Variants in ZNF565 observed in about 807,000 individuals in gnomAD.
ZNF565 encodes zinc finger protein 565.
ZNF565 carries 27 observed loss-of-function variants against 39.4 expected under a neutral mutation model. The ratio of observed to expected loss-of-function variants is 0.69; its 90% confidence interval spans 0.51 to 0.95. ZNF565 has a LOEUF of 0.95. ZNF565 is among the 40% of genes least tolerant of loss of function. The pLI, the probability that ZNF565 is intolerant of heterozygous loss-of-function variation, is 0.00. For missense variants in ZNF565, 524 were observed against 621.1 expected, an observed-to-expected ratio of 0.84 and a Z score of 1.66; for synonymous variants, 185 against 216.6, an observed-to-expected ratio of 0.85 and a Z score of 1.28.
chr19:36,186,451 A>C (rs1465738510), intron 4 of ZNF565, among the ~76,000 whole-genome samples: 4 of 152,164 alleles, frequency 2.6e-5, no homozygotes, highest in African/African-American at 7.2e-5. Flanking sequence ...CTTGTTCCTG[A>C]ATCTTCCCCA....
intron 1 of ZNF565, chr19:36,236,848 C>A: frequency 1.2e-6 from 2 of 1,614,068 alleles, no homozygotes; most frequent in Non-Finnish European, 1.7e-6. Context: ...GTGGAAAAAC[C>A]TTCAGTGGCA....
chr19:36,243,314 G>A (rs780611702), intron 1 of ZNF565, among the ~76,000 whole-genome samples: 2 of 152,200 alleles, frequency 1.3e-5, no homozygotes, highest in Non-Finnish European at 2.9e-5. Context: ...GATTACAAGC[G>A]TGAGCCACTG....
intron 2 of ZNF565, among the ~76,000 whole-genome samples, chr19:36,196,456 G>A (rs916712715): frequency 1.3e-5 from 2 of 152,136 alleles, no homozygotes; most frequent in Admixed American, 1.3e-4. Flanking sequence ...GCAGGCCTGT[G>A]GCATGAAGGA....
In ZNF565 at chr19:36,182,705, A is replaced by G; in HGVS notation, c.1261T>C (p.Cys421Arg). ...ATAAAGGCCTTCCCACATTCCTTAC[A>G]TTCGTAGGGTTTGTCACCTGTATGA... ...RIHTGDKPYE[C>R]KECGKAFIRV... Residue 421 changes from cysteine to arginine, a missense_variant, in exon 5 of 5, where the codon TGT becomes CGT. Transcript: ENST00000304116. The G allele has an allele frequency of 6.2e-7, 1 of 1,614,196 alleles. No individual in the cohort carries two copies. Among genetic ancestry groups the G allele is most frequent in the Non-Finnish European group, 8.5e-7 (1 of 1,180,028 alleles).
intron 1 of ZNF565, among the ~76,000 whole-genome samples, chr19:36,243,475 G>A (rs1226104748): frequency 6.6e-6 from 1 of 152,150 alleles, no homozygotes; most frequent in African/African-American, 2.4e-5. Flanking sequence ...TGAAGATTCA[G>A]AAATACAAGT....
intron 1 of ZNF565, chr19:36,237,576 G>T: frequency 3.2e-6 from 1 of 314,558 alleles, no homozygotes; most frequent in Non-Finnish European, 6.1e-6. Flanking sequence ...AGTGGGAACA[G>T]AAAATGGAGG....
At chr19:36,236,501 T>C in intron 1 of ZNF565, 1 of 1,613,850 alleles carries the variant, frequency 6.2e-7, no homozygotes, top group Non-Finnish European at 8.5e-7. Flanking sequence ...CTGTAAGGTA[T>C]GTGGAAAAGT....
intron 1 of ZNF565, among the ~76,000 whole-genome samples, chr19:36,214,206 C>A (rs1231047008): frequency 6.6e-6 from 1 of 151,764 alleles, no homozygotes; most frequent in Non-Finnish European, 1.5e-5. Context: ...CGTCACCACA[C>A]AGTCACAGGC....
intron 2 of ZNF565, among the ~76,000 whole-genome samples, chr19:36,198,487 G>A (rs1975843580): frequency 6.6e-6 from 1 of 152,152 alleles, no homozygotes; most frequent in Non-Finnish European, 1.5e-5. Context: ...GCTGGGAAGG[G>A]TAGAGGGAGG....
intron 1 of ZNF565, among the ~76,000 whole-genome samples, chr19:36,233,004 A>G (rs1977455319): frequency 6.6e-6 from 1 of 152,174 alleles, no homozygotes; most frequent in African/African-American, 2.4e-5. Flanking sequence ...ACGCTTTTGT[A>G]TGTCCGTATC....
At chr19:36,228,786 A>G (rs181834385) in intron 1 of ZNF565, 1 of 152,402 alleles carries the variant, frequency 6.6e-6, no homozygotes, top group Non-Finnish European at 1.5e-5. Flanking sequence ...GACAAACTGT[A>G]TGGTGGAGAA....
At chr19:36,236,791 A>G in intron 1 of ZNF565, 1 of 1,614,152 alleles carries the variant, frequency 6.2e-7, no homozygotes, top group South Asian at 1.1e-5. Context: ...ACCTCATCAG[A>G]CACCAGAGAA....
chr19:36,235,141 G>A (rs1431400912), intron 1 of ZNF565, among the ~76,000 whole-genome samples: 4 of 151,282 alleles, frequency 2.6e-5, no homozygotes, highest in Non-Finnish European at 5.9e-5. Context: ...CCCAGGAGGC[G>A]GAGGCTGCAG....
At chr19:36,196,199 G>A (rs1975756045) in intron 2 of ZNF565, among the ~76,000 whole-genome samples, 1 of 152,136 alleles carries the variant, frequency 6.6e-6, no homozygotes, top group Non-Finnish European at 1.5e-5. Flanking sequence ...CAAAGTGTTG[G>A]GATGACAGGC....
At chr19:36,195,197 T>G in intron 2 of ZNF565, 41 bp from the exon 3 acceptor site, 1 of 1,572,150 alleles carries the variant, frequency 6.4e-7, no homozygotes, top group Non-Finnish European at 8.6e-7. Flanking sequence ...ATTAAGAAAC[T>G]TTTTTCATTT....
intron 1 of ZNF565, among the ~76,000 whole-genome samples, chr19:36,223,822 C>T (rs1243430016): frequency 6.6e-6 from 1 of 151,764 alleles, no homozygotes; most frequent in East Asian, 1.9e-4. Flanking sequence ...TCACAGCTGA[C>T]TGCAGCCTTC....
At chr19:36,241,458 T>G in intron 1 of ZNF565, among the ~76,000 whole-genome samples, 1 of 132,990 alleles carries the variant, frequency 7.5e-6, no homozygotes, top group African/African-American at 2.9e-5. Context: ...AACTCCGGCC[T>G]GGGTGACAAG....
chr19:36,243,590 G>C (rs1977833545), intron 1 of ZNF565, among the ~76,000 whole-genome samples: 1 of 151,906 alleles, frequency 6.6e-6, no homozygotes, highest in African/African-American at 2.4e-5. Flanking sequence ...TTGGAAGGAG[G>C]GAAGTCTCAG....
At chr19:36,211,532 G>A (rs980171728) in intron 1 of ZNF565, among the ~76,000 whole-genome samples, 5 of 150,614 alleles carry the variant, frequency 3.3e-5, no homozygotes, top group African/African-American at 4.9e-5. Flanking sequence ...GGTGGCTCAC[G>A]CCTGTAATCC....
Sources: gnomAD v4.1 joint callset for allele counts (sites outside exome capture counted in the v4.1 genomes callset) on GRCh38, gnomAD v4.1.1 for gene constraint, MANE v1.5 for transcripts, NCBI Gene and HGNC (gene_info 2026-07-23, HGNC 2026-07-21) for gene names.